Variants in MELK observed in about 807,000 individuals in gnomAD.
MELK encodes pEg3 kinase.
A neutral mutation model predicts 85.0 loss-of-function variants in MELK; 81 were observed. That is an observed-to-expected ratio of 0.95 (90% CI 0.80 to 1.15). The LOEUF (loss-of-function observed/expected upper bound fraction) is 1.15. Among genes scored for constraint, MELK ranks in the 50% most tolerant of loss-of-function variants. The pLI is 0.00. For synonymous variants in MELK, 252 were observed against 265.0 expected (o/e 0.95, Z 0.48); for missense variants, 754 against 777.5 (o/e 0.97, Z 0.36).
At chr9:36,608,226 C>A (rs1258855571) in intron 8 of MELK, among the ~76,000 whole-genome samples, 7 of 133,702 alleles carry the variant, frequency 5.2e-5, no homozygotes, top group Non-Finnish European at 9.1e-5. Context: ...CTTGCAGAGC[C>A]GAGATTACGC....
chr9:36,658,737 T>C (rs1401418944), intron 13 of MELK, among the ~76,000 whole-genome samples: 3 of 151,942 alleles, frequency 2.0e-5, no homozygotes, highest in African/African-American at 7.3e-5. Flanking sequence ...GGCTCCGCTG[T>C]ATCGCCCAGG....
In MELK at chr9:36,643,510, A is replaced by G. The variant is rs570247291; in HGVS notation, c.921+427A>G. ...TCAGACCTGTGATTTTATTATGGGT[A>G]CAAATATTGCATTTAAAAAATATTT... is the stretch of plus-strand genomic sequence containing the variant. On this transcript the variant is annotated intron_variant, in intron 11 of 17. Transcript: ENST00000298048. Among the ~76,000 whole-genome samples the G allele has an allele frequency of 2.6e-5, 4 of 152,378 alleles. No individual in the cohort carries two copies. The South Asian group carries it at 8.3e-4, about 32-fold the overall frequency.
At chr9:36,596,455 C>T (rs1258356589) in intron 5 of MELK, among the ~76,000 whole-genome samples, 1 of 152,024 alleles carries the variant, frequency 6.6e-6, no homozygotes. Flanking sequence ...GACGGGGTTT[C>T]ACCGTGTTAG....
chr9:36,644,209 T>TTGTGTGTGTGTGTGTG (rs55796800), intron 11 of MELK, among the ~76,000 whole-genome samples: 12 of 145,302 alleles, frequency 8.3e-5, no homozygotes, highest in African/African-American at 3.1e-4. Flanking sequence ...TACCTGTGTT[T>TTGTGTGTGTGTGTGTG]TGTGTGTGTG....
intron 1 of MELK, among the ~76,000 whole-genome samples, chr9:36,580,400 A>G (rs1189177571): frequency 6.6e-6 from 1 of 150,802 alleles, no homozygotes; most frequent in East Asian, 1.9e-4. Context: ...GCTTACTGCA[A>G]CCTCCGCCTC....
At chr9:36,657,471 G>A in intron 13 of MELK, 108 bp downstream of exon 13, 2 of 1,241,808 alleles carry the variant, frequency 1.6e-6, no homozygotes, top group South Asian at 3.4e-5. Context: ...GAATGCTTAA[G>A]CCACTGAAAA....
At position 36,579,449 on chromosome 9, in the gene MELK, T is replaced by A. The variant is rs888612248; in HGVS notation, c.-38-2195T>A. Among the ~76,000 whole-genome samples, 19 of 152,326 alleles carry A rather than the reference T, an allele frequency of 1.2e-4. 1 individual carries two copies. The highest frequency in any genetic ancestry group is 9.2e-4 in the Admixed American group (14 of 15,298). ...AGTGCTGGGATTATAGGCGTGAGCC[T>A]CTGCACCCGGCCTATAAATTATAAG... On this transcript the variant is annotated intron_variant, in intron 1 of 17. Transcript: ENST00000298048.
At chr9:36,631,810 C>A (rs143507059) in intron 9 of MELK, among the ~76,000 whole-genome samples, 5 of 151,146 alleles carry the variant, frequency 3.3e-5, no homozygotes, top group Admixed American at 3.3e-4. Context: ...TCACTTCATT[C>A]CTTATAATTA....
intron 11 of MELK, among the ~76,000 whole-genome samples, chr9:36,647,785 C>T (rs1335938566): frequency 6.6e-6 from 1 of 152,098 alleles, no homozygotes; most frequent in East Asian, 1.9e-4. Context: ...AGCCACTGTG[C>T]CCGGCCATGA....
At chr9:36,641,589 G>T (rs1214146558) in intron 10 of MELK, among the ~76,000 whole-genome samples, 1 of 148,018 alleles carries the variant, frequency 6.8e-6, no homozygotes, top group Non-Finnish European at 1.5e-5. Context: ...CACTCGGGCT[G>T]CCATAAAGAG....
chr9:36,581,789 G>T (rs1341022451), intron 2 of MELK, 50 bp downstream of exon 2: 1 of 1,449,478 alleles, frequency 6.9e-7, no homozygotes, highest in Non-Finnish European at 9.6e-7. Flanking sequence ...CTATTTGAGA[G>T]TATAGATTAT....
At chr9:36,636,769 T>TG (rs1829206567) in intron 10 of MELK, among the ~76,000 whole-genome samples, 4 of 125,466 alleles carry the variant, frequency 3.2e-5, no homozygotes, top group South Asian at 2.5e-4. Context: ...TCTTTCTTTC[T>TG]TTCTTTCTTT....
At chr9:36,577,680 C>A (rs532576759) in intron 1 of MELK, among the ~76,000 whole-genome samples, 4 of 152,070 alleles carry the variant, frequency 2.6e-5, no homozygotes, top group Non-Finnish European at 5.9e-5. Flanking sequence ...TGAGACACAG[C>A]TTCGCTTGTT....
At chr9:36,640,675 C>T (rs1049697237) in intron 10 of MELK, among the ~76,000 whole-genome samples, 1 of 152,256 alleles carries the variant, frequency 6.6e-6, no homozygotes, top group South Asian at 2.1e-4. Context: ...GTCTCCAACT[C>T]CTGGCTTCAA....
At chr9:36,637,790 A>G (rs1048974564) in intron 10 of MELK, among the ~76,000 whole-genome samples, 7 of 152,218 alleles carry the variant, frequency 4.6e-5, no homozygotes, top group Non-Finnish European at 8.8e-5. Context: ...TCTGCCCACT[A>G]TTAATGGGCC....
chr9:36,602,268 G>A (rs745641346), intron 7 of MELK, among the ~76,000 whole-genome samples: 2 of 151,864 alleles, frequency 1.3e-5, no homozygotes, highest in South Asian at 4.2e-4. Context: ...TGAGGTGGGC[G>A]GATCATGAGG....
intron 5 of MELK, among the ~76,000 whole-genome samples, chr9:36,595,609 T>G (rs1451946354): frequency 6.8e-6 from 1 of 147,308 alleles, no homozygotes; most frequent in African/African-American, 2.5e-5. Context: ...TGTCTTGTTT[T>G]TTTTTTTTTT....
At chr9:36,665,258 G>T in intron 13 of MELK, 92 bp from the exon 14 acceptor site, 1 of 708,696 alleles carries the variant, frequency 1.4e-6, no homozygotes, top group Non-Finnish European at 2.4e-6. Context: ...AATAAAAATA[G>T]TACAAGGTAG....
At chr9:36,657,701 A>G (rs980012838) in intron 13 of MELK, among the ~76,000 whole-genome samples, 12 of 152,014 alleles carry the variant, frequency 7.9e-5, no homozygotes, top group Admixed American at 2.0e-4. Flanking sequence ...AGTGATTCTC[A>G]TGCCTCCTGA....
Sources: gnomAD v4.1 joint callset for allele counts (sites outside exome capture counted in the v4.1 genomes callset) on GRCh38, gnomAD v4.1.1 for gene constraint, MANE v1.5 for transcripts, NCBI Gene and HGNC (gene_info 2026-07-23, HGNC 2026-07-21) for gene names.